TMEM182: variants seen among roughly 807,000 people sequenced by gnomAD.
TMEM182 encodes the protein transmembrane protein 182.
TMEM182 carries 20 observed loss-of-function variants against 26.8 expected under a neutral mutation model. The observed-to-expected ratio is 0.75, with a 90% CI of 0.53 to 1.09. The LOEUF (loss-of-function observed/expected upper bound fraction) is 1.09, where lower values mean the gene tolerates loss of function less well. TMEM182 is among the 50% of genes least tolerant of loss of function. The probability of loss-of-function intolerance (pLI) is 0.00; values close to 1 mark genes in which losing one functional copy is unlikely to be tolerated. For missense variants in TMEM182, 277 were observed against 275.5 expected, an observed-to-expected ratio of 1.01 and a Z score of -0.04; for synonymous variants, 109 against 102.2, an observed-to-expected ratio of 1.07 and a Z score of -0.40.
chr2:102,768,260 C>A (rs928244232), intron 3 of TMEM182, among the ~76,000 whole-genome samples: 7 of 152,106 alleles, frequency 4.6e-5, no homozygotes, highest in Non-Finnish European at 2.9e-5. Context: ...CCACTGTAGA[C>A]CAAAAGCTGA....
upstream of TMEM182, among the ~76,000 whole-genome samples, chr2:102,759,129 C>A (rs374340981): frequency 3.3e-5 from 5 of 152,186 alleles, no homozygotes; most frequent in South Asian, 4.1e-4. Context: ...GTCTTATATT[C>A]TTTTCCCCTA....
At chr2:102,798,057 A>G in intron 4 of TMEM182, 57 bp downstream of exon 4, 1 of 1,552,860 alleles carries the variant, frequency 6.4e-7, no homozygotes, top group Non-Finnish European at 8.7e-7. Context: ...ATGTCTTTCT[A>G]TTTTTCATTT....
chr2:102,801,407 T>C (rs541544077), intron 4 of TMEM182, among the ~76,000 whole-genome samples: 3 of 152,156 alleles, frequency 2.0e-5, no homozygotes, highest in Non-Finnish European at 4.4e-5. Flanking sequence ...GAAGCAGGCT[T>C]TCAGTGGCAT....
intron 4 of TMEM182, among the ~76,000 whole-genome samples, chr2:102,812,522 T>A (rs997912420): frequency 6.6e-6 from 1 of 152,144 alleles, no homozygotes; most frequent in African/African-American, 2.4e-5. Flanking sequence ...ACTATAGTGA[T>A]AGAAATGACT....
At chr2:102,742,599 C>T (rs898209214) in intron 1 of TMEM182, among the ~76,000 whole-genome samples, 2 of 151,986 alleles carry the variant, frequency 1.3e-5, no homozygotes, top group Non-Finnish European at 2.9e-5. Context: ...AGGATAAATA[C>T]CAAAAAATCT....
chr2:102,823,338 T>A (rs1682962858), intron 3 of TMEM182, among the ~76,000 whole-genome samples: 1 of 152,154 alleles, frequency 6.6e-6, no homozygotes, highest in East Asian at 1.9e-4. Flanking sequence ...CTTTATTTTT[T>A]ATTTTTATTT....
chr2:102,797,899 G>A lies in TMEM182; in HGVS notation c.368G>A (p.Gly123Glu), dbSNP rs1681941286. Residue 123 changes from glycine (G) to glutamate (E), a missense_variant, in exon 4 of 5, where the codon GGG (glycine) becomes GAG (glutamate). Physicochemically the swap from Gly to Glu is moderately conservative, Grantham distance 98 (BLOSUM62 -2). Transcript: ENST00000412401. ...TTCTGGGCAGTCCTGATGCTCCTGG[G>A]GGTAGTTGCTGTAGTCATCGCAAGC... ...RGFWAVLMLL[G>E]VVAVVIASFL... is the part of the protein sequence containing the mutation. 1.9e-6 allele frequency: 3 copies of A among 1,613,908 alleles called. No homozygotes were observed. Among genetic ancestry groups the A allele is most frequent in the Middle Eastern group, 1.6e-4 (1 of 6,068 alleles).
chr2:102,818,745 C>CCTATCTAT (rs71378191), downstream of TMEM182, among the ~76,000 whole-genome samples: 45,558 of 136,324 alleles, frequency 0.33, 7,074 homozygotes, highest in African/African-American at 0.37. Flanking sequence ...TCTATTTAAT[C>CCTATCTAT]CTATCTATCT....
intron 3 of TMEM182, among the ~76,000 whole-genome samples, chr2:102,781,794 T>G (rs113650511): frequency 1.3e-5 from 2 of 152,246 alleles, no homozygotes; most frequent in African/African-American, 4.8e-5. Flanking sequence ...GACGTAAGGT[T>G]TTGCCTCATG....
chr2:102,816,735 A>T lies in TMEM182; in HGVS notation c.*1767A>T. 1 of 985,798 alleles carries T rather than the reference A, an allele frequency of 1.0e-6. No individual in the cohort carries two copies. The allele number at this position is 985,798 out of a possible 1,614,324, so 61.1% of individuals were successfully genotyped here. Reference sequence around the variant, plus strand: ...TGCATGTTGACTGTGATATTAAGTTATGGCATGCCATTAAGTTTTCCAGAC... The same window carrying T: ...TGCATGTTGACTGTGATATTAAGTTTTGGCATGCCATTAAGTTTTCCAGAC... On this transcript the variant is annotated 3_prime_UTR_variant, in exon 5 of 5. Coordinates refer to ENST00000412401, the MANE Select transcript of TMEM182 (RefSeq NM_144632.5).
chr2:102,833,960 G>C (rs1046383032), intron 3 of TMEM182, among the ~76,000 whole-genome samples: 1 of 152,140 alleles, frequency 6.6e-6, no homozygotes, highest in Non-Finnish European at 1.5e-5. Flanking sequence ...TTAAGATGAG[G>C]TCTGCTAAGT....
At chr2:102,792,852 A>G (rs1334978477) in intron 3 of TMEM182, among the ~76,000 whole-genome samples, 2 of 152,174 alleles carry the variant, frequency 1.3e-5, no homozygotes, top group Non-Finnish European at 2.9e-5. Flanking sequence ...CTCCTTTGCT[A>G]GATCAAATGA....
At chr2:102,787,068 G>C (rs915061478) in intron 3 of TMEM182, among the ~76,000 whole-genome samples, 15 of 152,172 alleles carry the variant, frequency 9.9e-5, no homozygotes, top group Non-Finnish European at 4.4e-5. Context: ...TCCAACTCTT[G>C]AATATACCTC....
chr2:102,738,445 T>A (rs1473158083), intron 1 of TMEM182, among the ~76,000 whole-genome samples: 1 of 151,798 alleles, frequency 6.6e-6, no homozygotes, highest in Non-Finnish European at 1.5e-5. Context: ...ATACAAAAAA[T>A]TTAGCTGGGC....
At chr2:102,833,916 C>T (rs989661903) in intron 3 of TMEM182, among the ~76,000 whole-genome samples, 1 of 152,150 alleles carries the variant, frequency 6.6e-6, no homozygotes, top group East Asian at 1.9e-4. Context: ...TTAACATATC[C>T]TATTTCTGGT....
At chr2:102,773,056 C>T (rs187671278) in intron 3 of TMEM182, among the ~76,000 whole-genome samples, 1 of 152,218 alleles carries the variant, frequency 6.6e-6, no homozygotes, top group African/African-American at 2.4e-5. Flanking sequence ...CATCCTAGTA[C>T]ATGGTAGTTA....
chr2:102,783,669 C>T (rs1681266557), intron 3 of TMEM182, among the ~76,000 whole-genome samples: 1 of 152,122 alleles, frequency 6.6e-6, no homozygotes, highest in Non-Finnish European at 1.5e-5. Context: ...TTAGTTCCAG[C>T]AACTCAGGAG....
At chr2:102,759,763 G>A (rs1157517509), upstream of TMEM182, among the ~76,000 whole-genome samples, 1 of 152,108 alleles carries the variant, frequency 6.6e-6, no homozygotes, top group Non-Finnish European at 1.5e-5. Flanking sequence ...CTTCCTGAAG[G>A]CTCAAGGGGA....
intron 4 of TMEM182, among the ~76,000 whole-genome samples, chr2:102,811,115 T>A (rs1043247851): frequency 6.6e-6 from 1 of 151,368 alleles, no homozygotes; most frequent in Non-Finnish European, 1.5e-5. Flanking sequence ...AGTTGTTGCT[T>A]GAGTCTCCAT....
Sources: gnomAD v4.1 joint callset for allele counts (sites outside exome capture counted in the v4.1 genomes callset) on GRCh38, gnomAD v4.1.1 for gene constraint, MANE v1.5 for transcripts, NCBI Gene and HGNC (gene_info 2026-07-23, HGNC 2026-07-21) for gene names.